PSMA8: variants seen among roughly 807,000 people sequenced by gnomAD.
The protein encoded by PSMA8 is proteasome subunit alpha-type 8.
In PSMA8, 18 loss-of-function variants were observed where a neutral mutation model predicts 32.4. The ratio of observed to expected loss-of-function variants is 0.56; its 90% CI spans 0.38 to 0.82. The LOEUF (loss-of-function observed/expected upper bound fraction) is 0.82, where lower values mean the gene tolerates loss of function less well. Among genes scored for constraint, PSMA8 ranks in the 40% least tolerant of loss-of-function variants. The pLI is 0.00. For synonymous variants in PSMA8, 104 were observed against 98.1 expected (o/e 1.06, Z -0.36); for missense variants, 298 against 300.7 (o/e 0.99, Z 0.07).
intron 2 of PSMA8, among the ~76,000 whole-genome samples, chr18:26,148,918 C>T (rs1248572520): frequency 6.6e-6 from 1 of 152,202 alleles, no homozygotes; most frequent in Non-Finnish European, 1.5e-5. Flanking sequence ...ATCACCATAG[C>T]TCACTGCAGC....
intron 6 of PSMA8, among the ~76,000 whole-genome samples, chr18:26,187,123 T>A (rs113963778): frequency 0.023 from 3,511 of 152,310 alleles, 125 homozygotes; most frequent in African/African-American, 0.08. Flanking sequence ...GGCGGCCAGA[T>A]CACCTGAGGT....
At chr18:26,135,276 A>G (rs1482557843) in intron 1 of PSMA8, among the ~76,000 whole-genome samples, 2 of 152,188 alleles carry the variant, frequency 1.3e-5, no homozygotes, top group Non-Finnish European at 2.9e-5. Flanking sequence ...AATTCAAAGG[A>G]TCGGATATTT....
At chr18:26,175,356 G>A (rs760686534) in intron 4 of PSMA8, among the ~76,000 whole-genome samples, 3 of 152,172 alleles carry the variant, frequency 2.0e-5, no homozygotes, top group Non-Finnish European at 4.4e-5. Flanking sequence ...GGATCAGGAT[G>A]GGGCAGAGGG....
At chr18:26,163,507 A>G (rs959873972) in intron 4 of PSMA8, among the ~76,000 whole-genome samples, 53 of 152,306 alleles carry the variant, frequency 3.5e-4, no homozygotes, top group African/African-American at 1.2e-3. Flanking sequence ...CTAGATTTCT[A>G]TGCTAGAGCA....
In PSMA8 at chr18:26,178,828, A is replaced by G; in HGVS notation, c.478-2A>G. On this transcript the variant is annotated splice_acceptor_variant, in intron 4 of 6. Transcript: ENST00000415576. LOFTEE classifies it high-confidence loss of function. Reference sequence around the variant, plus strand: ...TTAATAAATTAACTTTTATTTTTCAAGGCAAATGCAATAGGCCGAAGTGCT... The same window carrying G: ...TTAATAAATTAACTTTTATTTTTCAGGGCAAATGCAATAGGCCGAAGTGCT... The G allele has an allele frequency of 6.2e-7, 1 of 1,604,948 alleles. No homozygotes were observed. The highest frequency in any genetic ancestry group is 1.1e-5 in the South Asian group (1 of 88,304).
At chr18:26,190,574 C>A (rs2055394129) in intron 6 of PSMA8, among the ~76,000 whole-genome samples, 1 of 152,112 alleles carries the variant, frequency 6.6e-6, no homozygotes, top group African/African-American at 2.4e-5. Flanking sequence ...CATGGCGAAA[C>A]CCCGTCTCTA....
At position 26,173,044 on chromosome 18, in the gene PSMA8, T is replaced by C. The variant is rs1037970146; in HGVS notation, c.478-5786T>C. Among the ~76,000 whole-genome samples the C allele has an allele frequency of 7.9e-5, 12 of 152,198 alleles. 1 individual carries two copies. The highest frequency in any genetic ancestry group is 2.9e-4 in the African/African-American group (12 of 41,452). On this transcript the variant is annotated intron_variant, in intron 4 of 6. Transcript: ENST00000415576. ...CACCCAGAAAGAATGTGCACTCTAA[T>C]TGTGAACAGTGTGATTCTGTTAAAA...
At chr18:26,171,394 A>G in intron 4 of PSMA8, 9 of 1,148,958 alleles carry the variant, frequency 7.8e-6, no homozygotes, top group Non-Finnish European at 1.1e-5. Flanking sequence ...AGACTAATAT[A>G]ACGTGTAATG....
At chr18:26,136,546 A>C (rs577969307) in intron 1 of PSMA8, among the ~76,000 whole-genome samples, 1 of 152,324 alleles carries the variant, frequency 6.6e-6, no homozygotes, top group Admixed American at 6.5e-5. Context: ...GCTGCTCTGC[A>C]TCTTATTTAT....
At chr18:26,135,004 T>TAGAG (rs2054900638) in intron 1 of PSMA8, among the ~76,000 whole-genome samples, 1 of 151,994 alleles carries the variant, frequency 6.6e-6, no homozygotes, top group South Asian at 2.1e-4. Context: ...CCCAGCCTTG[T>TAGAG]AGAGGCTCAA....
intron 4 of PSMA8, among the ~76,000 whole-genome samples, chr18:26,160,807 C>T (rs1227126004): frequency 6.6e-6 from 1 of 152,176 alleles, no homozygotes; most frequent in Non-Finnish European, 1.5e-5. Context: ...TAGCTAATAC[C>T]AGCAGTTTGG....
chr18:26,141,989 C>A (rs1357335667), intron 1 of PSMA8, among the ~76,000 whole-genome samples: 2 of 151,310 alleles, frequency 1.3e-5, no homozygotes, highest in African/African-American at 4.9e-5. Flanking sequence ...CTCAGCCAGG[C>A]CTAGTTCTAC....
chr18:26,138,768 G>T (rs892756024), intron 1 of PSMA8, among the ~76,000 whole-genome samples: 1 of 152,152 alleles, frequency 6.6e-6, no homozygotes, highest in African/African-American at 2.4e-5. Flanking sequence ...TAAAAATAAG[G>T]TGGATTCCAG....
At position 26,144,609 on chromosome 18, in the gene PSMA8, T is replaced by A. The variant is rs1329083194; in HGVS notation, c.153T>A (p.Ser51=). The A allele has an allele frequency of 6.2e-7, 1 of 1,613,876 alleles. No homozygotes were observed. The highest frequency in any genetic ancestry group is 1.7e-5 in the Admixed American group (1 of 60,020). ...TTGTTCTTGGGGTAGAAAAAAAATC[T>A]GTTGCCAAGCTTCAAGATGAAAGAA... ...NIVVLGVEKK[S]VAKLQDERTV... Residue 51 remains serine, a synonymous_variant, in exon 2 of 7, where the codon TCT becomes TCA. Coordinates refer to ENST00000415576, the MANE Select transcript of PSMA8 (RefSeq NM_001025096.2).
rs1294646937 is a variant in PSMA8, at chr18:26,171,332, C to T, written c.478-7498C>T. 1.0e-5 allele frequency: 15 copies of T among 1,462,946 alleles called. 1 individual carries two copies. Among genetic ancestry groups the T allele is most frequent in the Non-Finnish European group, 1.3e-5 (14 of 1,110,072 alleles). 90.6% of individuals were successfully genotyped at this position (1,462,946 alleles called of 1,614,324 possible). ...CGAGCCCGCTCGTTACAGCAGAACG[C>T]GCGGTCAAGTTTGGCGCGAAATTGT... On this transcript the variant is annotated intron_variant, in intron 4 of 6. Coordinates refer to ENST00000415576, the MANE Select transcript of PSMA8 (RefSeq NM_001025096.2).
At chr18:26,143,755 T>G (rs1345760259) in intron 1 of PSMA8, among the ~76,000 whole-genome samples, 1 of 152,136 alleles carries the variant, frequency 6.6e-6, no homozygotes, top group African/African-American at 2.4e-5. Flanking sequence ...TGAGTCTCGC[T>G]CTGTTGCCCA....
intron 3 of PSMA8, among the ~76,000 whole-genome samples, chr18:26,157,050 G>C (rs1421781540): frequency 6.6e-6 from 1 of 150,864 alleles, no homozygotes; most frequent in Non-Finnish European, 1.5e-5. Flanking sequence ...CTCCCAAAGT[G>C]GTGGGATTAC....
intron 3 of PSMA8, among the ~76,000 whole-genome samples, chr18:26,155,657 G>C: frequency 6.6e-6 from 1 of 152,160 alleles, no homozygotes; most frequent in East Asian, 1.9e-4. Context: ...TACTTAAAAT[G>C]GACTAAAGAC....
intron 2 of PSMA8, among the ~76,000 whole-genome samples, chr18:26,147,242 C>T (rs2055011160): frequency 6.9e-6 from 1 of 145,272 alleles, no homozygotes; most frequent in South Asian, 2.1e-4. Context: ...AGATTGAAAC[C>T]ATACAGAGTA....
Sources: allele counts gnomAD v4.1 joint callset (sites outside exome capture counted in the v4.1 genomes callset), GRCh38; gene constraint gnomAD v4.1.1; transcripts MANE v1.5; gene names NCBI Gene and HGNC (gene_info 2026-07-23, HGNC 2026-07-21).